Variants in ZNF8 observed in about 807,000 individuals in gnomAD.
ZNF8 encodes the protein zinc finger protein 8, also known as zinc finger protein 272.
Under a neutral mutation model 12.2 loss-of-function variants are expected in ZNF8, and 9 were observed. The ratio of observed to expected loss-of-function variants is 0.73; its 90% CI spans 0.44 to 1.28. The LOEUF is 1.28. ZNF8 is among the 50% of genes most tolerant of loss of function. ZNF8 has a pLI of 0.00. For missense variants in ZNF8, 664 were observed against 729.1 expected (o/e 0.91, Z 1.03); for synonymous variants, 274 against 282.3 (o/e 0.97, Z 0.30).
chr19:58,288,391 G>C (rs1388363667), intron 3 of ZNF8, among the ~76,000 whole-genome samples: 1 of 152,184 alleles, frequency 6.6e-6, no homozygotes, highest in African/African-American at 2.4e-5. Context: ...TTACAGTGCA[G>C]CTGCAGCAGC....
intron 1 of ZNF8, among the ~76,000 whole-genome samples, chr19:58,284,197 C>G (rs904707708): frequency 6.6e-6 from 1 of 151,788 alleles, no homozygotes; most frequent in African/African-American, 2.4e-5. Flanking sequence ...GCACTCCAGC[C>G]TGATTGACAG....
chr19:58,283,252 A>G (rs1234595389), intron 1 of ZNF8, among the ~76,000 whole-genome samples: 1 of 152,088 alleles, frequency 6.6e-6, no homozygotes, highest in Non-Finnish European at 1.5e-5. Context: ...GATTACAAGC[A>G]TGAGCCACTC....
Position 58,295,584 on chromosome 19 carries a change from A to T in ZNF8, c.*48A>T. Reference sequence around the variant, plus strand: ...TTTAACCACAAGTAAAAAATGTGGTAAGTCCACATAGTGTACTCATGGAAG... The same window carrying T: ...TTTAACCACAAGTAAAAAATGTGGTTAGTCCACATAGTGTACTCATGGAAG... On this transcript the variant is annotated 3_prime_UTR_variant, in exon 4 of 4. Coordinates refer to ENST00000621650, the MANE Select transcript of ZNF8 (RefSeq NM_021089.3). 1 of 1,438,470 alleles carries T rather than the reference A, an allele frequency of 7.0e-7. No individual in the cohort carries two copies. Among genetic ancestry groups the T allele is most frequent in the Non-Finnish European group, 9.5e-7 (1 of 1,049,716 alleles). The allele number at this position is 1,438,470 out of a possible 1,614,324, so 89.1% of individuals were successfully genotyped here. A position where few individuals can be genotyped will look rare whatever the true frequency, so the allele number is the denominator to read the frequency against.
rs897887986 is a variant in ZNF8 at position 58,298,889 on chromosome 19, T to C, written c.*3353T>C. ...ATGGAGACTTGCTCTGTCACGTGGT[T>C]CACTGCAACCTCCCAGGTTCAAGCA... On this transcript the variant is annotated 3_prime_UTR_variant, in exon 4 of 4. Transcript: ENST00000621650. The C allele has an allele frequency of 1.3e-5, 2 of 151,706 alleles. No individual in the cohort carries two copies. The highest frequency in any genetic ancestry group is 4.8e-5 in the African/African-American group (2 of 41,240). The allele number at this position is 151,706 out of a possible 1,614,324, so 9.4% of individuals were successfully genotyped here.
chr19:58,295,751 T>C lies in ZNF8; in HGVS notation c.*215T>C. On this transcript the variant is annotated 3_prime_UTR_variant, in exon 4 of 4. Coordinates refer to ENST00000621650, the MANE Select transcript of ZNF8 (RefSeq NM_021089.3). The stretch of plus-strand genomic sequence containing the variant: ...GACATATTTTGTGACATTCCTTCCA[T>C]TACACCACAGTGAGTTCACAGGTAA... 1.8e-6 allele frequency: 1 copy of C among 544,050 alleles called. No individual in the cohort carries two copies. Among genetic ancestry groups the C allele is most frequent in the Non-Finnish European group, 3.2e-6 (1 of 310,314 alleles). The allele number at this position is 544,050 out of a possible 1,614,324, so 33.7% of individuals were successfully genotyped here.
Position 58,294,675 on chromosome 19 carries a change from G to A in ZNF8, c.867G>A (p.Glu289=). 6.2e-7 allele frequency: 1 copy of A among 1,614,210 alleles called. No homozygotes were observed. Among genetic ancestry groups the A allele is most frequent in the Non-Finnish European group, 8.5e-7 (1 of 1,180,046 alleles). Residue 289 remains glutamate (E), a synonymous_variant, in exon 4 of 4, where the codon GAG becomes GAA. Coordinates refer to ENST00000621650, the MANE Select transcript of ZNF8 (RefSeq NM_021089.3). This position sits in a 1 kb window ranked among gnomAD's most constrained non-coding sequence, Gnocchi z 5.5. ...HTGERPYMCK[E]CGKAFSQNSS... ...GAGAAAGACCTTATATGTGCAAGGAGTGTGGGAAAGCCTTCAGCCAGAACT... is the reference window on the plus strand; with the variant it reads ...GAGAAAGACCTTATATGTGCAAGGAATGTGGGAAAGCCTTCAGCCAGAACT...
intron 3 of ZNF8, among the ~76,000 whole-genome samples, chr19:58,291,083 A>G (rs535346605): frequency 1.3e-5 from 2 of 152,272 alleles, no homozygotes; most frequent in African/African-American, 4.8e-5. Flanking sequence ...TCCCACTCCC[A>G]GTGCACTCAC....
At position 58,279,752 on chromosome 19, in the gene ZNF8, C is replaced by T. The variant is rs774483030; in HGVS notation, c.66+605C>T. On this transcript the variant is annotated intron_variant, in intron 1 of 3. Coordinates refer to ENST00000621650, the MANE Select transcript of ZNF8 (RefSeq NM_021089.3). ...GCAGGGCGGTCAGTGTTTGCAGGGCCATCTGGCCATCAGAGCTCCACTTTC... is the reference window on the plus strand; with the variant it reads ...GCAGGGCGGTCAGTGTTTGCAGGGCTATCTGGCCATCAGAGCTCCACTTTC... 7.3e-6 allele frequency: 11 copies of T among 1,503,822 alleles called. No individual in the cohort carries two copies. The South Asian group carries it at 1.3e-4, about 18-fold the overall frequency. The allele number at this position is 1,503,822 out of a possible 1,614,324, so 93.2% of individuals were successfully genotyped here. A position where few individuals can be genotyped will look rare whatever the true frequency, so the allele number is the denominator to read the frequency against.
chr19:58,295,086 G>T lies in ZNF8; in HGVS notation c.1278G>T (p.Glu426Asp). 1.2e-6 allele frequency: 2 copies of T among 1,614,060 alleles called. No individual in the cohort carries two copies. The highest frequency in any genetic ancestry group is 2.2e-5 in the South Asian group (2 of 91,088). ...QRKHAGEKPF[E>D]CRQRLIFEQT... ...AGCACGCGGGGGAGAAGCCCTTTGA[G>T]TGCCGCCAGAGGCTGATCTTTGAGC... The change falls in exon 4 of 4, where the codon GAG becomes GAT. Residue 426 changes from glutamate (E) to aspartate (D), a missense_variant. This residue lies in a region of ZNF8 where 225 missense variants were observed against 222.0 expected (regional missense o/e 1.01). Coordinates refer to ENST00000621650, the MANE Select transcript of ZNF8 (RefSeq NM_021089.3).
chr19:58,295,761 G>A lies in ZNF8; in HGVS notation c.*225G>A, dbSNP rs1047889725. On this transcript the variant is annotated 3_prime_UTR_variant, in exon 4 of 4. Coordinates refer to ENST00000621650, the MANE Select transcript of ZNF8 (RefSeq NM_021089.3). ...GTGACATTCCTTCCATTACACCACA[G>A]TGAGTTCACAGGTAATATAACCTAC... The A allele has an allele frequency of 1.3e-5, 7 of 529,450 alleles. No homozygotes were observed. The highest frequency in any genetic ancestry group is 2.0e-5 in the Non-Finnish European group (6 of 301,750). 32.8% of individuals were successfully genotyped at this position (529,450 alleles called of 1,614,324 possible). A position where few individuals can be genotyped will look rare whatever the true frequency, so the allele number is the denominator to read the frequency against.
rs1600466152 is a variant in ZNF8 at position 58,301,541 on chromosome 19, C to T, written c.*6005C>T. ...ATCCAGACAGGAAAGCTCCTCCCCTCTGAAGCAGTGGGACCAAAAATGACA... is the reference window on the plus strand; with the variant it reads ...ATCCAGACAGGAAAGCTCCTCCCCTTTGAAGCAGTGGGACCAAAAATGACA... On this transcript the variant is annotated 3_prime_UTR_variant, in exon 4 of 4. Coordinates refer to ENST00000621650, the MANE Select transcript of ZNF8 (RefSeq NM_021089.3). 1 of 152,458 alleles carries T rather than the reference C, an allele frequency of 6.6e-6. No homozygotes were observed. Among genetic ancestry groups the T allele is most frequent in the East Asian group, 1.9e-4 (1 of 5,192 alleles). The allele number at this position is 152,458 out of a possible 1,614,324, so 9.4% of individuals were successfully genotyped here.
At position 58,295,571 on chromosome 19, in the gene ZNF8, TAAA is replaced by T. The variant is rs2051449553; in HGVS notation, c.*39_*41del. ...TTTGCTGATGACTTTTAACCACAAG[TAAA>T]AAATGTGGTAAGTCCACATAGTGTA... On this transcript the variant is annotated 3_prime_UTR_variant, in exon 4 of 4. Transcript: ENST00000621650. 6.6e-7 allele frequency: 1 copy of T among 1,522,286 alleles called. No homozygotes were observed. Among genetic ancestry groups the T allele is most frequent in the Non-Finnish European group, 8.9e-7 (1 of 1,123,414 alleles). The allele number at this position is 1,522,286 out of a possible 1,614,324, so 94.3% of individuals were successfully genotyped here. A position where few individuals can be genotyped will look rare whatever the true frequency, so the allele number is the denominator to read the frequency against.
At chr19:58,293,027 C>G (rs1452988379) in intron 3 of ZNF8, among the ~76,000 whole-genome samples, 2 of 151,794 alleles carry the variant, frequency 1.3e-5, no homozygotes, top group East Asian at 3.9e-4. Flanking sequence ...TGGCTCACTG[C>G]AACCTTCGCC....
intron 1 of ZNF8, among the ~76,000 whole-genome samples, chr19:58,284,005 T>C (rs968800743): frequency 1.3e-5 from 2 of 152,066 alleles, no homozygotes; most frequent in Admixed American, 6.6e-5. Context: ...AGAGGATCAC[T>C]TGAGGTCAGG....
Position 58,290,108 on chromosome 19 carries a change from C to CTTTTT in ZNF8, c.289+3922_289+3926dup, listed in dbSNP as rs773199651. Among the ~76,000 whole-genome samples, 388 of 73,434 alleles carry CTTTTT rather than the reference C, an allele frequency of 5.3e-3. 24 individuals carry two copies. The highest frequency in any genetic ancestry group is 0.02 in the African/African-American group (349 of 17,298). 48.2% of individuals were successfully genotyped at this position (73,434 alleles called of 152,430 possible). ...ACCGCGCCTGGCCCATTTCAAGATTCTTTTTTTTTTTTTTTTTTTTTTTGA... is the reference window on the plus strand; with the variant it reads ...ACCGCGCCTGGCCCATTTCAAGATTCTTTTTTTTTTTTTTTTTTTTTTTTTTTTGA... On this transcript the variant is annotated intron_variant, in intron 3 of 3. Transcript: ENST00000621650.
At chr19:58,279,886 T>C in intron 1 of ZNF8, 1 of 1,065,946 alleles carries the variant, frequency 9.4e-7, no homozygotes, top group Non-Finnish European at 1.2e-6. Flanking sequence ...ATACTTTTTT[T>C]TATTTTTTGT....
intron 3 of ZNF8, among the ~76,000 whole-genome samples, chr19:58,292,661 T>A (rs561547923): frequency 6.6e-5 from 10 of 152,356 alleles, no homozygotes; most frequent in Non-Finnish European, 1.3e-4. Context: ...TCCATACGAA[T>A]GGAATCTTAC....
rs1482754610 is a variant in ZNF8 at position 58,279,821 on chromosome 19, G to C, written c.66+674G>C. 4 of 1,415,376 alleles carry C rather than the reference G, an allele frequency of 2.8e-6. No homozygotes were observed. In the South Asian group the frequency reaches 3.7e-5, roughly 13 times the overall value. The allele number at this position is 1,415,376 out of a possible 1,614,324, so 87.7% of individuals were successfully genotyped here. A position where few individuals can be genotyped will look rare whatever the true frequency, so the allele number is the denominator to read the frequency against. Reference sequence around the variant, plus strand: ...CCTGTGTTCTCCATAAAGCTGCCTCGCGTGGCAGGAAACAACAATAATTAT... The same window carrying C: ...CCTGTGTTCTCCATAAAGCTGCCTCCCGTGGCAGGAAACAACAATAATTAT... On this transcript the variant is annotated intron_variant, in intron 1 of 3. Coordinates refer to ENST00000621650, the MANE Select transcript of ZNF8 (RefSeq NM_021089.3).
rs752449479 is a variant in ZNF8 at position 58,295,317 on chromosome 19, A to G, written c.1509A>G (p.Glu503=). The change falls in exon 4 of 4, where the codon GAA becomes GAG. Residue 503 remains glutamate, a synonymous_variant. Transcript: ENST00000621650. ...EQPHGRSRRR[E]QSSSRNSHLV... ...CCCATGGGCGAAGCCGGCGGCGTGAACAATCCTCGAGCAGGAACTCACACC... is the reference window on the plus strand; with the variant it reads ...CCCATGGGCGAAGCCGGCGGCGTGAGCAATCCTCGAGCAGGAACTCACACC... 3.1e-6 allele frequency: 5 copies of G among 1,614,228 alleles called. No individual in the cohort carries two copies. The highest frequency in any genetic ancestry group is 4.2e-6 in the Non-Finnish European group (5 of 1,180,022).
Sources: allele counts gnomAD v4.1 joint callset (sites outside exome capture counted in the v4.1 genomes callset), GRCh38; gene constraint gnomAD v4.1.1; regional missense constraint gnomAD v4.1.1; non-coding constraint Gnocchi (gnomAD v3.1); transcripts MANE v1.5; gene names NCBI Gene and HGNC (gene_info 2026-07-23, HGNC 2026-07-21).